Variants in ELAPOR2 observed in about 807,000 individuals in gnomAD.
The protein encoded by ELAPOR2 is endosome-lysosome associated apoptosis and autophagy regulator family member 2.
Under a neutral mutation model 120.7 loss-of-function variants are expected in ELAPOR2, and 89 were observed. That is an observed-to-expected ratio of 0.74 (90% CI 0.62 to 0.88). ELAPOR2 has a LOEUF of 0.88. Ranked by LOEUF, ELAPOR2 falls within the 40% of genes least tolerant of loss-of-function variation. ELAPOR2 has a pLI of 0.00. For missense variants in ELAPOR2, 1,134 were observed against 1,251.6 expected, an observed-to-expected ratio of 0.91 and a Z score of 1.42; for synonymous variants, 444 against 444.9, an observed-to-expected ratio of 1.00 and a Z score of 0.03.
At chr7:87,050,620 C>A (rs7798088) in intron 1 of ELAPOR2, among the ~76,000 whole-genome samples, 2 of 151,938 alleles carry the variant, frequency 1.3e-5, no homozygotes, top group African/African-American at 4.8e-5. Flanking sequence ...TACAGCAATG[C>A]GAGAACGGCC....
In ELAPOR2 at chr7:86,913,009, G is replaced by A. The variant is rs748775472; in HGVS notation, c.1927C>T (p.Leu643=). Residue 643 remains leucine, a synonymous_variant, in exon 14 of 22, where the codon CTG becomes TTG. Coordinates refer to ENST00000450689, the MANE Select transcript of ELAPOR2 (RefSeq NM_001142749.3). ...TTGCCATAGACCTGATGTATGGACA[G>A]GTAGGTGTCAGGTGGACATTCCTTG... is the stretch of plus-strand genomic sequence containing the variant. The part of the protein sequence containing the change: ...QCKECPPDTY[L]SIHQVYGKEA... The A allele has an allele frequency of 8.1e-6, 13 of 1,614,074 alleles. No homozygotes were observed. The South Asian group carries it at 1.3e-4, about 16-fold the overall frequency.
At position 86,982,806 on chromosome 7, in the gene ELAPOR2, G is replaced by A. The variant is rs530995525; in HGVS notation, c.190-17782C>T. 1.2e-4 allele frequency among the ~76,000 whole-genome samples: 18 copies of A among 152,336 alleles called. No homozygotes were observed. The East Asian group carries it at 2.5e-3, about 21-fold the overall frequency. On this transcript the variant is annotated intron_variant, in intron 1 of 21. Transcript: ENST00000450689. Reference sequence around the variant, plus strand: ...TCCAAAGGATCACAGCTCCTCGCCAGCAACAGAATAAATCTGGAGGGAGAC... The same window carrying A: ...TCCAAAGGATCACAGCTCCTCGCCAACAACAGAATAAATCTGGAGGGAGAC...
At chr7:86,974,299 C>T (rs1792200454) in intron 1 of ELAPOR2, among the ~76,000 whole-genome samples, 1 of 152,070 alleles carries the variant, frequency 6.6e-6, no homozygotes, top group Admixed American at 6.6e-5. Context: ...ATCAAAATTT[C>T]CAAATATATT....
chr7:86,909,670 T>A lies in ELAPOR2; in HGVS notation c.2359+142A>T. 2 of 669,732 alleles carry A rather than the reference T, an allele frequency of 3.0e-6. 1 individual carries two copies. Among genetic ancestry groups the A allele is most frequent in the Non-Finnish European group, 4.8e-6 (2 of 417,454 alleles). The allele number at this position is 669,732 out of a possible 1,614,324, so 41.5% of individuals were successfully genotyped here. A position where few individuals can be genotyped will look rare whatever the true frequency, so the allele number is the denominator to read the frequency against. The stretch of plus-strand genomic sequence containing the variant: ...ATAGTCCCCACTAGTAGGAGCTTTT[T>A]AACCATCTTACAAAGTGACAATTTA... On this transcript the variant is annotated intron_variant, in intron 16 of 21. Transcript: ENST00000450689.
chr7:87,032,141 A>G (rs1030065223), intron 1 of ELAPOR2, among the ~76,000 whole-genome samples: 11 of 152,284 alleles, frequency 7.2e-5, no homozygotes, highest in East Asian at 5.8e-4. Flanking sequence ...GTCAAAACTG[A>G]TCAATTTATA....
At chr7:86,989,125 A>G (rs1267490690) in intron 1 of ELAPOR2, among the ~76,000 whole-genome samples, 1 of 152,192 alleles carries the variant, frequency 6.6e-6, no homozygotes. Context: ...AAGACTAACC[A>G]ATCATCTATT....
chr7:86,880,184 G>T lies in ELAPOR2; in HGVS notation c.*287C>A. The T allele has an allele frequency of 2.5e-6, 1 of 398,424 alleles. No homozygotes were observed. The highest frequency in any genetic ancestry group is 4.5e-6 in the Non-Finnish European group (1 of 222,320). 24.7% of individuals were successfully genotyped at this position (398,424 alleles called of 1,614,324 possible). Reference sequence around the variant, plus strand: ...TGGCATGCATCAGCAGTGCATTGGTGGGCTTAAACTTGGTTTTCAGTTATG... The same window carrying T: ...TGGCATGCATCAGCAGTGCATTGGTTGGCTTAAACTTGGTTTTCAGTTATG... On this transcript the variant is annotated 3_prime_UTR_variant, in exon 22 of 22. Transcript: ENST00000450689.
intron 1 of ELAPOR2, among the ~76,000 whole-genome samples, chr7:87,010,408 T>C (rs147814992): frequency 6.6e-6 from 1 of 152,288 alleles, no homozygotes; most frequent in African/African-American, 2.4e-5. Context: ...GAACTAAAAT[T>C]ATAGGCTACA....
chr7:86,942,284 G>A (rs1365633411), intron 4 of ELAPOR2, among the ~76,000 whole-genome samples, 180 bp from the exon 5 acceptor site: 4 of 152,046 alleles, frequency 2.6e-5, no homozygotes, highest in East Asian at 1.9e-4. Context: ...GCATAAGACT[G>A]AGAGGTTCTA....
chr7:86,939,397 T>C (rs1458694475), intron 6 of ELAPOR2, among the ~76,000 whole-genome samples: 1 of 152,110 alleles, frequency 6.6e-6, no homozygotes, highest in East Asian at 1.9e-4. Flanking sequence ...TGCCAGCAGA[T>C]GTCCTAGTGA....
At chr7:86,884,582 A>G (rs781412033) in intron 21 of ELAPOR2, among the ~76,000 whole-genome samples, 1 of 152,174 alleles carries the variant, frequency 6.6e-6, no homozygotes, top group African/African-American at 2.4e-5. Context: ...TGGTATACTC[A>G]GGGGCCCTGG....
intron 1 of ELAPOR2, among the ~76,000 whole-genome samples, chr7:87,011,228 C>T (rs1339769096): frequency 2.8e-4 from 17 of 61,172 alleles, no homozygotes; most frequent in African/African-American, 4.1e-4. Context: ...AGATGCATGG[C>T]GACAGAGCGA....
intron 1 of ELAPOR2, among the ~76,000 whole-genome samples, chr7:86,971,106 G>A (rs1364670987): frequency 6.6e-6 from 1 of 152,060 alleles, no homozygotes; most frequent in Non-Finnish European, 1.5e-5. Context: ...CTCAATCGCT[G>A]TAAAAAAACA....
intron 14 of ELAPOR2, 139 bp from the exon 15 acceptor site, chr7:86,912,384 T>C: frequency 2.1e-6 from 1 of 465,904 alleles, no homozygotes; most frequent in South Asian, 6.2e-5. Context: ...CATACTAATA[T>C]AAAGAATTTC....
intron 1 of ELAPOR2, among the ~76,000 whole-genome samples, chr7:87,023,531 T>C (rs1794134556): frequency 6.6e-6 from 1 of 152,184 alleles, no homozygotes; most frequent in Non-Finnish European, 1.5e-5. Flanking sequence ...TGGCTTAGAA[T>C]TGACTTGGCA....
intron 1 of ELAPOR2, among the ~76,000 whole-genome samples, chr7:87,044,812 G>A (rs1794897009): frequency 6.6e-6 from 1 of 150,768 alleles, no homozygotes; most frequent in African/African-American, 2.5e-5. Context: ...CCATCAGAGT[G>A]AACAGGCAAC....
chr7:87,046,281 C>T (rs996195030), intron 1 of ELAPOR2, among the ~76,000 whole-genome samples: 4 of 151,902 alleles, frequency 2.6e-5, no homozygotes, highest in Non-Finnish European at 5.9e-5. Flanking sequence ...ACTATAGAAC[C>T]CTGATGAGAG....
chr7:86,970,339 T>C (rs1275679987), intron 1 of ELAPOR2, among the ~76,000 whole-genome samples: 3 of 152,166 alleles, frequency 2.0e-5, no homozygotes, highest in Non-Finnish European at 2.9e-5. Context: ...TAAATGTAAT[T>C]AATTTTCTTC....
chr7:87,052,234 A>G (rs1275103218), intron 1 of ELAPOR2, among the ~76,000 whole-genome samples: 1 of 152,238 alleles, frequency 6.6e-6, no homozygotes, highest in Non-Finnish European at 1.5e-5. Flanking sequence ...ATGGACCTAT[A>G]GTTTCAGTGG....
Sources: gnomAD v4.1 joint callset for allele counts (sites outside exome capture counted in the v4.1 genomes callset) on GRCh38, gnomAD v4.1.1 for gene constraint, MANE v1.5 for transcripts, NCBI Gene and HGNC (gene_info 2026-07-23, HGNC 2026-07-21) for gene names.